Variants in SLC28A1 observed in about 807,000 individuals in gnomAD.
SLC28A1 encodes the protein sodium/nucleoside cotransporter 1.
SLC28A1 carries 64 observed loss-of-function variants against 74.8 expected under a neutral mutation model. The observed-to-expected ratio is 0.86, with a 90% confidence interval of 0.70 to 1.05. The LOEUF (loss-of-function observed/expected upper bound fraction) is 1.05, where lower values mean the gene tolerates loss of function less well. SLC28A1 is among the 50% of genes least tolerant of loss of function. SLC28A1 has a pLI of 0.00. For missense variants in SLC28A1, 828 were observed against 822.8 expected (o/e 1.01, Z -0.08); for synonymous variants, 359 against 335.0 (o/e 1.07, Z -0.78).
chr15:84,936,170 C>T (rs886649545), intron 15 of SLC28A1, among the ~76,000 whole-genome samples: 13 of 151,062 alleles, frequency 8.6e-5, no homozygotes, highest in Admixed American at 7.3e-4. Flanking sequence ...GTCTTGATCT[C>T]CTGACCTCGT....
At position 84,887,388 on chromosome 15, in the gene SLC28A1, TC is replaced by T. The variant is rs920317800; in HGVS notation, c.-16-356del. On this transcript the variant is annotated intron_variant, in intron 2 of 18. Coordinates refer to ENST00000394573, the MANE Select transcript of SLC28A1 (RefSeq NM_004213.5). ...TCACAAGGACTTGCCTCTTACAGGTTCAGATGTGGGTGCAGGCTGGGGTGGT... is the reference window on the plus strand; with the variant it reads ...TCACAAGGACTTGCCTCTTACAGGTTAGATGTGGGTGCAGGCTGGGGTGGT... 4.1e-6 allele frequency: 4 copies of T among 985,292 alleles called. No homozygotes were observed. The African/African-American group carries it at 7.0e-5, about 17-fold the overall frequency. 61.0% of individuals were successfully genotyped at this position (985,292 alleles called of 1,614,324 possible).
chr15:84,936,012 T>TG (rs1166043883), intron 15 of SLC28A1, among the ~76,000 whole-genome samples: 2 of 131,548 alleles, frequency 1.5e-5, no homozygotes, highest in Non-Finnish European at 3.1e-5. Flanking sequence ...TGGAGTGCAG[T>TG]GGCTCGATCT....
Position 84,924,045 on chromosome 15 carries a change from G to A in SLC28A1, c.1018G>A (p.Val340Ile), listed in dbSNP as rs145514370. 23 of 1,613,822 alleles carry A rather than the reference G, an allele frequency of 1.4e-5. No individual in the cohort carries two copies. The highest frequency in any genetic ancestry group is 5.3e-5 in the African/African-American group (4 of 74,854). ...AGACATGACACTCTCTGAAGTCCAC[G>A]TTGTCATGACCGGAGGTTACGCCAC... ...LADMTLSEVH[V>I]VMTGGYATIA... The change falls in exon 12 of 19, where the codon GTT becomes ATT. Residue 340 changes from valine (V) to isoleucine (I), a missense_variant. This residue lies in a region of SLC28A1 where 767 missense variants were observed against 753.5 expected (regional missense o/e 1.02). Coordinates refer to ENST00000394573, the MANE Select transcript of SLC28A1 (RefSeq NM_004213.5).
rs187372850 is a variant in SLC28A1, at chr15:84,903,123, G to A, written c.462-974G>A. Reference sequence around the variant, plus strand: ...CAAAAACAAGGCAAAGATTGTGCATGTTGAACTGGAATGAGAAGAGTTTAA... The same window carrying A: ...CAAAAACAAGGCAAAGATTGTGCATATTGAACTGGAATGAGAAGAGTTTAA... On this transcript the variant is annotated intron_variant, in intron 6 of 18. Transcript: ENST00000394573. Among the ~76,000 whole-genome samples the A allele has an allele frequency of 2.4e-3, 361 of 152,374 alleles. 3 individuals carry two copies. The highest frequency in any genetic ancestry group is 7.4e-3 in the African/African-American group (306 of 41,594).
At chr15:84,900,168 T>TA (rs527550677) in intron 6 of SLC28A1, among the ~76,000 whole-genome samples, 3 of 150,630 alleles carry the variant, frequency 2.0e-5, no homozygotes, top group African/African-American at 7.3e-5. Context: ...AATATATATA[T>TA]AAAAAAATTA....
intron 6 of SLC28A1, among the ~76,000 whole-genome samples, chr15:84,899,222 C>T (rs2141719556): frequency 1.3e-5 from 2 of 152,190 alleles, no homozygotes; most frequent in African/African-American, 4.8e-5. Flanking sequence ...GCTTCTCAGG[C>T]CCTGCCTAAC....
intron 6 of SLC28A1, chr15:84,895,325 C>A: frequency 6.2e-7 from 1 of 1,611,090 alleles, no homozygotes; most frequent in Non-Finnish European, 8.5e-7. Flanking sequence ...GTCCCAGTTA[C>A]AGCAGGTGAC....
At chr15:84,931,365 A>G (rs935328154) in intron 12 of SLC28A1, among the ~76,000 whole-genome samples, 1 of 151,982 alleles carries the variant, frequency 6.6e-6, no homozygotes, top group Non-Finnish European at 1.5e-5. Flanking sequence ...TGTTGTGGAC[A>G]TTTTGAGAGA....
chr15:84,973,752 C>T, the SLC28A1 span, among the ~76,000 whole-genome samples: 20 of 152,238 alleles, frequency 1.3e-4, no homozygotes, highest in East Asian at 2.5e-3. Flanking sequence ...TTATGAGCTC[C>T]GTGAAGTCAG....
intron 11 of SLC28A1, among the ~76,000 whole-genome samples, chr15:84,922,520 C>G (rs182475738): frequency 8.9e-4 from 135 of 152,306 alleles, no homozygotes; most frequent in African/African-American, 3.2e-3. Flanking sequence ...CATCTACAAC[C>G]CCCCGCTGCC....
intron 11 of SLC28A1, among the ~76,000 whole-genome samples, chr15:84,921,485 T>C (rs1170021655): frequency 6.6e-6 from 1 of 150,992 alleles, no homozygotes; most frequent in African/African-American, 2.4e-5. Flanking sequence ...TCTTTTCTTT[T>C]CTCCCTCTTT....
intron 11 of SLC28A1, among the ~76,000 whole-genome samples, chr15:84,923,677 C>T (rs534360581): frequency 1.1e-3 from 163 of 152,214 alleles, no homozygotes; most frequent in African/African-American, 2.5e-3. Context: ...TCCTGGAAAA[C>T]GGAGATACCC....
At chr15:84,927,582 C>G (rs929857328) in intron 12 of SLC28A1, among the ~76,000 whole-genome samples, 5 of 152,102 alleles carry the variant, frequency 3.3e-5, no homozygotes, top group Non-Finnish European at 5.9e-5. Context: ...CAAAGTAGGT[C>G]AGATAATTTC....
Position 84,888,838 on chromosome 15 carries a change from G to T in SLC28A1, c.163G>T (p.Ala55Ser), listed in dbSNP as rs113577701. 3 of 1,552,914 alleles carry T rather than the reference G, an allele frequency of 1.9e-6. No homozygotes were observed. The highest frequency in any genetic ancestry group is 1.7e-4 in the Middle Eastern group (1 of 5,960). ...GATCAGGAGCAGCTGGAGCGAGGCG[G>T]CGCCGAAGCCCTTCTCCAGATGGTA... ...AEIRSSWSEA[A>S]PKPFSRWRNL... Residue 55 changes from alanine (A) to serine (S), a missense_variant, in exon 4 of 19, where the codon GCG (alanine) becomes TCG (serine). Ala to Ser is a moderately conservative substitution (Grantham distance 99, BLOSUM62 1). Transcript: ENST00000394573.
the SLC28A1 span, among the ~76,000 whole-genome samples, chr15:84,963,606 G>C: frequency 1.2e-4 from 19 of 152,070 alleles, no homozygotes; most frequent in African/African-American, 4.6e-4. Flanking sequence ...GCCAGGGAGG[G>C]TACCTACCTG....
chr15:84,933,932 A>T (rs186481562), intron 13 of SLC28A1, among the ~76,000 whole-genome samples: 1 of 152,138 alleles, frequency 6.6e-6, no homozygotes, highest in Admixed American at 6.5e-5. Context: ...CCTAGATCGC[A>T]CCACTGTACT....
At chr15:84,891,140 A>C (rs546988341) in intron 5 of SLC28A1, among the ~76,000 whole-genome samples, 1 of 152,298 alleles carries the variant, frequency 6.6e-6, no homozygotes, top group African/African-American at 2.4e-5. Context: ...GGTTTTGAAC[A>C]GGGAAGCGTC....
chr15:84,907,113 AT>A, intron 8 of SLC28A1, among the ~76,000 whole-genome samples: 1 of 152,282 alleles, frequency 6.6e-6, no homozygotes, highest in South Asian at 2.1e-4. Flanking sequence ...GTCATGCTGC[AT>A]TTGGGGATTT....
chr15:84,885,876 G>T (rs1323059752), intron 1 of SLC28A1, among the ~76,000 whole-genome samples: 13 of 152,014 alleles, frequency 8.6e-5, no homozygotes, highest in Admixed American at 8.5e-4. Flanking sequence ...GTAATGCTTT[G>T]GTAATTCAAA....
Sources: allele counts gnomAD v4.1 joint callset (sites outside exome capture counted in the v4.1 genomes callset), GRCh38; gene constraint gnomAD v4.1.1; regional missense constraint gnomAD v4.1.1; transcripts MANE v1.5; gene names NCBI Gene and HGNC (gene_info 2026-07-23, HGNC 2026-07-21).